Variants in TENM3 observed in about 807,000 individuals in gnomAD.
TENM3 encodes teneurin-3.
TENM3 carries 63 observed loss-of-function variants against 255.1 expected under a neutral mutation model. The observed-to-expected ratio is 0.25, with a 90% CI of 0.20 to 0.30. TENM3 has a LOEUF of 0.30. Ranked by LOEUF, TENM3 falls within the 10% of genes least tolerant of loss-of-function variation. The probability of loss-of-function intolerance (pLI) is 1.00; values close to 1 mark genes in which losing one functional copy is unlikely to be tolerated. For synonymous variants in TENM3, 1,306 were observed against 1,322.3 expected (o/e 0.99, Z 0.27); for missense variants, 2,929 against 3,461.1 (o/e 0.85, Z 3.86).
rs189355853 is a variant in TENM3, at chr4:182,364,791, C to T, written c.511+17862C>T. ...CTATAACATAGTACTTTTTTCATGC[C>T]ATGATTTATCATAATTTAACATATC... is the stretch of plus-strand genomic sequence containing the variant. On this transcript the variant is annotated intron_variant, in intron 3 of 27. Coordinates refer to ENST00000511685, the MANE Select transcript of TENM3 (RefSeq NM_001080477.4). 5.2e-4 allele frequency among the ~76,000 whole-genome samples: 79 copies of T among 152,234 alleles called. 1 individual carries two copies. The highest frequency in any genetic ancestry group is 6.8e-3 in the Middle Eastern group (2 of 294).
chr4:182,665,267 C>T (rs1461463123), intron 6 of TENM3, among the ~76,000 whole-genome samples: 1 of 152,174 alleles, frequency 6.6e-6, no homozygotes, highest in Non-Finnish European at 1.5e-5. Context: ...ACAACAAAGC[C>T]TGGATGACAG....
chr4:182,178,683 T>C (rs1353100610), intron 1 of TENM3, among the ~76,000 whole-genome samples: 2 of 152,214 alleles, frequency 1.3e-5, no homozygotes, highest in Non-Finnish European at 2.9e-5. Context: ...TACATAATTG[T>C]TTCTTAAAAA....
At chr4:181,972,410 G>A in the TENM3 span, among the ~76,000 whole-genome samples, 10 of 140,978 alleles carry the variant, frequency 7.1e-5, no homozygotes, top group African/African-American at 2.2e-4. Context: ...ACTCCAACCC[G>A]GATGACAGAG....
At chr4:181,514,625 G>T in the TENM3 span, among the ~76,000 whole-genome samples, 1 of 152,160 alleles carries the variant, frequency 6.6e-6, no homozygotes, top group Non-Finnish European at 1.5e-5. Context: ...GCGAAGGTGT[G>T]TTAGGGTGAG....
chr4:181,688,080 G>A, the TENM3 span, among the ~76,000 whole-genome samples: 1 of 152,112 alleles, frequency 6.6e-6, no homozygotes, highest in Non-Finnish European at 1.5e-5. Context: ...GGAACAATTT[G>A]AAATATCTGC....
At chr4:182,244,174 C>G (rs1446593366) in intron 1 of TENM3, among the ~76,000 whole-genome samples, 1 of 151,526 alleles carries the variant, frequency 6.6e-6, no homozygotes. Context: ...GGGATGGTCT[C>G]GATCTCCTGA....
the TENM3 span, among the ~76,000 whole-genome samples, chr4:182,103,789 A>G: frequency 1.1e-4 from 17 of 152,342 alleles, no homozygotes. Context: ...TGAGTGACAA[A>G]TAATACTTGA....
At chr4:181,502,265 C>T in the TENM3 span, among the ~76,000 whole-genome samples, 18 of 152,226 alleles carry the variant, frequency 1.2e-4, no homozygotes, top group African/African-American at 3.9e-4. Flanking sequence ...CTATGGACAC[C>T]GGATGATAGT....
chr4:182,743,226 G>C lies in TENM3; in HGVS notation c.3436G>C (p.Val1146Leu). 6.2e-7 allele frequency: 1 copy of C among 1,614,020 alleles called. No individual in the cohort carries two copies. Among genetic ancestry groups the C allele is most frequent in the African/African-American group, 1.3e-5 (1 of 75,064 alleles). ...GTTCATCTCCCAGCAGCCTCCAGTC[G>C]TGAGTAGCATCATGGGCAATGGGCG... is the stretch of plus-strand genomic sequence containing the variant. ...NQFISQQPPVVSSIMGNGRRR... is the reference protein window; with the variant it reads ...NQFISQQPPVLSSIMGNGRRR... The change falls in exon 19 of 28, where the codon GTG becomes CTG. Residue 1146 changes from valine (V) to leucine (L), a missense_variant. Transcript: ENST00000511685.
chr4:182,083,145 A>T, the TENM3 span, among the ~76,000 whole-genome samples: 1 of 152,206 alleles, frequency 6.6e-6, no homozygotes, highest in African/African-American at 2.4e-5. Context: ...AAGACCTACA[A>T]CTTAATTAAA....
chr4:182,389,724 C>T (rs1193080175), intron 3 of TENM3, among the ~76,000 whole-genome samples: 3 of 137,338 alleles, frequency 2.2e-5, no homozygotes, highest in South Asian at 4.6e-4. Flanking sequence ...CTCGCTCTGT[C>T]GCCCAGGCTG....
chr4:182,000,242 G>A, the TENM3 span, among the ~76,000 whole-genome samples: 16 of 152,144 alleles, frequency 1.1e-4, no homozygotes, highest in East Asian at 2.9e-3. Context: ...CAATAAAATC[G>A]TCAGTCAGTG....
chr4:181,592,976 T>TGACAAACCTCCTCCTC, the TENM3 span, among the ~76,000 whole-genome samples: 1 of 152,188 alleles, frequency 6.6e-6, no homozygotes, highest in Middle Eastern at 3.2e-3. Context: ...TGGTGCTCCT[T>TGACAAACCTCCTCCTC]GACAAACCTC....
chr4:181,513,258 CA>C, the TENM3 span, among the ~76,000 whole-genome samples: 372 of 146,590 alleles, frequency 2.5e-3, no homozygotes, highest in Non-Finnish European at 4.0e-3. Context: ...TTCATAATTA[CA>C]AAAAAAAAAT....
rs994842408 is a variant in TENM3, at chr4:182,346,769, T to A, written c.351T>A (p.Asp117Glu). ...HRGYSISAGS[D>E]ADTENEAVMS... ...GTTACTCTATCAGTGCAGGGTCAGA[T>A]GCTGATACTGAAAATGAAGCAGTGA... The change falls in exon 3 of 28, where the codon GAT becomes GAA. Residue 117 changes from aspartate to glutamate, a missense_variant. Physicochemically the swap from Asp to Glu is conservative, Grantham distance 45. Transcript: ENST00000511685. 2.5e-6 allele frequency: 4 copies of A among 1,613,560 alleles called. No homozygotes were observed. In the Admixed American group the frequency reaches 6.7e-5, roughly 27 times the overall value.
intron 3 of TENM3, among the ~76,000 whole-genome samples, chr4:182,547,715 GT>G (rs1230048682): frequency 1.3e-5 from 2 of 152,052 alleles, no homozygotes; most frequent in African/African-American, 4.8e-5. Context: ...ACAGCTTTCG[GT>G]TTTCATAGTT....
the TENM3 span, among the ~76,000 whole-genome samples, chr4:182,100,478 CACACAT>C: frequency 7.0e-6 from 1 of 143,074 alleles, no homozygotes; most frequent in Non-Finnish European, 1.5e-5. Context: ...CACACACACA[CACACAT>C]ATATATATAT....
the TENM3 span, among the ~76,000 whole-genome samples, chr4:181,811,237 T>A: frequency 1.3e-5 from 2 of 152,172 alleles, no homozygotes; most frequent in African/African-American, 4.8e-5. Context: ...ATTGAATACC[T>A]CTCTTCCCAG....
chr4:182,294,411 G>T (rs530355832), intron 1 of TENM3, among the ~76,000 whole-genome samples: 36 of 151,278 alleles, frequency 2.4e-4, no homozygotes, highest in African/African-American at 7.3e-4. Context: ...TTCACCCTAA[G>T]TGTAAATCCC....
Sources: allele counts gnomAD v4.1 joint callset (sites outside exome capture counted in the v4.1 genomes callset), GRCh38; gene constraint gnomAD v4.1.1; transcripts MANE v1.5; gene names NCBI Gene and HGNC (gene_info 2026-07-23, HGNC 2026-07-21).